SPATS2L: variants seen among roughly 807,000 people sequenced by gnomAD.
The protein encoded by SPATS2L is SPATS2-like protein.
SPATS2L carries 30 observed loss-of-function variants against 59.6 expected under a neutral mutation model. The observed-to-expected ratio is 0.50, with a 90% confidence interval of 0.38 to 0.68. SPATS2L has a LOEUF of 0.68. Among genes scored for constraint, SPATS2L ranks in the 30% least tolerant of loss-of-function variants. The pLI is 0.00. For missense variants in SPATS2L, 615 were observed against 700.0 expected, an observed-to-expected ratio of 0.88 and a Z score of 1.37; for synonymous variants, 252 against 263.5, an observed-to-expected ratio of 0.96 and a Z score of 0.42.
At chr2:200,444,729 C>G (rs1390010119) in intron 8 of SPATS2L, among the ~76,000 whole-genome samples, 2 of 152,114 alleles carry the variant, frequency 1.3e-5, no homozygotes, top group African/African-American at 4.8e-5. Flanking sequence ...ACCCTGAGCC[C>G]TGGCCCACTT....
chr2:200,457,765 C>G (rs1192436593), intron 8 of SPATS2L, among the ~76,000 whole-genome samples: 1 of 152,242 alleles, frequency 6.6e-6, no homozygotes, highest in Non-Finnish European at 1.5e-5. Flanking sequence ...GCACACAGTC[C>G]TTTACTCTTC....
rs2083285055 is a variant in SPATS2L at position 200,420,930 on chromosome 2, ATGCC to A, written c.445+1435_445+1438del. 2.0e-5 allele frequency among the ~76,000 whole-genome samples: 3 copies of A among 152,284 alleles called. No individual in the cohort carries two copies. The South Asian group carries it at 6.2e-4, about 32-fold the overall frequency. On this transcript the variant is annotated intron_variant, in intron 6 of 12. Transcript: ENST00000409140. Reference sequence around the variant, plus strand: ...ACAATCATTTTGCTAATTTTTAAAAATGCCCGCTCAGTTTTTCAGAATGCCTCCT... The same window carrying A: ...ACAATCATTTTGCTAATTTTTAAAAACGCTCAGTTTTTCAGAATGCCTCCT...
chr2:200,334,249 G>A (rs368880824), intron 2 of SPATS2L, among the ~76,000 whole-genome samples: 4 of 152,170 alleles, frequency 2.6e-5, no homozygotes, highest in South Asian at 2.1e-4. Flanking sequence ...TTCTCTGATG[G>A]CCAGTGATGA....
At chr2:200,322,245 T>C (rs2079585578) in intron 1 of SPATS2L, among the ~76,000 whole-genome samples, 1 of 152,194 alleles carries the variant, frequency 6.6e-6, no homozygotes, top group African/African-American at 2.4e-5. Context: ...ATTCATTGAG[T>C]TGATAATATG....
At chr2:200,413,773 G>A (rs954107605) in intron 4 of SPATS2L, among the ~76,000 whole-genome samples, 2 of 152,200 alleles carry the variant, frequency 1.3e-5, no homozygotes, top group African/African-American at 2.4e-5. Flanking sequence ...AGCAGTCAAG[G>A]TTTAGGGTCC....
chr2:200,427,323 ATATAAACCTAC>A (rs1036155834), intron 6 of SPATS2L, among the ~76,000 whole-genome samples: 2 of 151,974 alleles, frequency 1.3e-5, no homozygotes, highest in African/African-American at 4.8e-5. Context: ...CCCCATAAAT[ATATAAACCTAC>A]TATGTACCCA....
At chr2:200,360,101 T>G (rs2081047292) in intron 2 of SPATS2L, among the ~76,000 whole-genome samples, 1 of 152,202 alleles carries the variant, frequency 6.6e-6, no homozygotes, top group Non-Finnish European at 1.5e-5. Context: ...ATAAATAACA[T>G]ATATGGTCCA....
intron 7 of SPATS2L, among the ~76,000 whole-genome samples, chr2:200,440,113 G>A (rs2084590196): frequency 6.6e-6 from 1 of 152,190 alleles, no homozygotes; most frequent in Non-Finnish European, 1.5e-5. Flanking sequence ...AGGAAATCAG[G>A]CGAGATGGGC....
chr2:200,313,651 G>A (rs2079267441), intron 1 of SPATS2L, among the ~76,000 whole-genome samples: 1 of 152,080 alleles, frequency 6.6e-6, no homozygotes, highest in Admixed American at 6.5e-5. Flanking sequence ...GCTTTTGGTC[G>A]CTTCTCTCTA....
At chr2:200,358,905 T>C (rs535472248) in intron 2 of SPATS2L, among the ~76,000 whole-genome samples, 56 of 152,156 alleles carry the variant, frequency 3.7e-4, no homozygotes, top group African/African-American at 1.2e-3. Context: ...GAGGATCCCT[T>C]GAGCCCAGGA....
intron 10 of SPATS2L, among the ~76,000 whole-genome samples, chr2:200,468,280 T>C (rs1364077403): frequency 6.7e-6 from 1 of 149,658 alleles, no homozygotes; most frequent in East Asian, 2.0e-4. Context: ...AAGGCAAGTA[T>C]AAGTATTTAC....
chr2:200,368,595 G>A (rs914221270), intron 2 of SPATS2L, among the ~76,000 whole-genome samples: 2 of 152,318 alleles, frequency 1.3e-5, no homozygotes, highest in East Asian at 3.9e-4. Flanking sequence ...AATACATGTT[G>A]AGTGTCTGCT....
In SPATS2L at chr2:200,430,771, G is replaced by A. The variant is rs548932211; in HGVS notation, c.446-8351G>A. 2.8e-5 allele frequency among the ~76,000 whole-genome samples: 4 copies of A among 144,976 alleles called. No individual in the cohort carries two copies. In the South Asian group the frequency reaches 6.5e-4, roughly 24 times the overall value. On this transcript the variant is annotated intron_variant, in intron 6 of 12. Coordinates refer to ENST00000409140, the MANE Select transcript of SPATS2L (RefSeq NM_001100423.2). ...CTTGCTCTGTCACCCAGGCTAGAGTGCAGTGACATGATCTTGGCTCACCAC... is the reference window on the plus strand; with the variant it reads ...CTTGCTCTGTCACCCAGGCTAGAGTACAGTGACATGATCTTGGCTCACCAC...
intron 2 of SPATS2L, among the ~76,000 whole-genome samples, chr2:200,342,070 C>A (rs2080350066): frequency 6.6e-6 from 1 of 152,170 alleles, no homozygotes; most frequent in South Asian, 2.1e-4. Context: ...GCACTTGACA[C>A]TCCCTCCCTT....
chr2:200,438,248 A>G (rs1559132429), intron 6 of SPATS2L, among the ~76,000 whole-genome samples: 1 of 152,198 alleles, frequency 6.6e-6, no homozygotes, highest in Non-Finnish European at 1.5e-5. Flanking sequence ...CACCCAGGAC[A>G]TAAGGAATAC....
At chr2:200,320,545 G>A (rs1271417298) in intron 1 of SPATS2L, among the ~76,000 whole-genome samples, 1 of 152,122 alleles carries the variant, frequency 6.6e-6, no homozygotes, top group African/African-American at 2.4e-5. Context: ...TCATCTCCTG[G>A]GACAGAGTCG....
chr2:200,439,162 G>A lies in SPATS2L; in HGVS notation c.486G>A (p.Gly162=). ...TGCAACAGAAACTATCCTTAGATGGGAACCCCAAACCTATACATGGAACAA... is the reference window on the plus strand; with the variant it reads ...TGCAACAGAAACTATCCTTAGATGGAAACCCCAAACCTATACATGGAACAA... ...RLLQQKLSLD[G]NPKPIHGTTE... is the part of the protein sequence containing the mutation. Residue 162 remains glycine (G), a synonymous_variant, in exon 7 of 13, where the codon GGG becomes GGA. Coordinates refer to ENST00000409140, the MANE Select transcript of SPATS2L (RefSeq NM_001100423.2). 1 of 1,613,648 alleles carries A rather than the reference G, an allele frequency of 6.2e-7. No individual in the cohort carries two copies. The highest frequency in any genetic ancestry group is 8.5e-7 in the Non-Finnish European group (1 of 1,179,720).
chr2:200,350,572 G>T (rs1244353290), intron 2 of SPATS2L, among the ~76,000 whole-genome samples: 2 of 152,066 alleles, frequency 1.3e-5, no homozygotes, highest in Non-Finnish European at 2.9e-5. Context: ...TGTCACCCAG[G>T]CTGGAGTGCA....
rs1333989227 is a variant in SPATS2L at position 200,396,042 on chromosome 2, A to G, written c.39+6759A>G. ...AAAAAAAAAAAAAAAAAATATATAT[A>G]TATATATATATATATATATATATAT... On this transcript the variant is annotated intron_variant, in intron 3 of 12. Transcript: ENST00000409140. Among the ~76,000 whole-genome samples, 4 of 67,094 alleles carry G rather than the reference A, an allele frequency of 6.0e-5. 1 individual carries two copies. The highest frequency in any genetic ancestry group is 1.8e-4 in the African/African-American group (4 of 21,730). The allele number at this position is 67,094 out of a possible 152,430, so 44.0% of individuals were successfully genotyped here. A position where few individuals can be genotyped will look rare whatever the true frequency, so the allele number is the denominator to read the frequency against.
Sources: gnomAD v4.1 joint callset for allele counts (sites outside exome capture counted in the v4.1 genomes callset) on GRCh38, gnomAD v4.1.1 for gene constraint, MANE v1.5 for transcripts, NCBI Gene and HGNC (gene_info 2026-07-23, HGNC 2026-07-21) for gene names.